The following PRKN variants were observed in gnomAD, a reference collection of about 807,000 sequenced individuals.
PRKN encodes E3 ubiquitin-protein ligase parkin.
In PRKN, 56 loss-of-function variants were observed where a neutral mutation model predicts 59.5. That is an observed-to-expected ratio of 0.94 (90% CI 0.76 to 1.18). The LOEUF is 1.18. PRKN is among the 50% of genes most tolerant of loss of function. The pLI, the probability that PRKN is intolerant of heterozygous loss-of-function variation, is 0.00. For synonymous variants in PRKN, 250 were observed against 222.1 expected (o/e 1.13, Z -1.12); for missense variants, 657 against 596.4 (o/e 1.10, Z -1.06).
chr6:161,787,845 C>T (rs1256850870), intron 6 of PRKN, among the ~76,000 whole-genome samples: 1 of 152,194 alleles, frequency 6.6e-6, no homozygotes, highest in Non-Finnish European at 1.5e-5. Context: ...ACTCAGGAGG[C>T]TGAGGCAGGT....
Position 161,360,253 on chromosome 6 carries a change from G to C in PRKN, c.1168-48C>G, listed in dbSNP as rs535800490. 45 of 1,411,804 alleles carry C rather than the reference G, an allele frequency of 3.2e-5. No homozygotes were observed. In the African/African-American group the frequency reaches 5.6e-4, roughly 18 times the overall value. 87.5% of individuals were successfully genotyped at this position (1,411,804 alleles called of 1,614,324 possible). On this transcript the variant is annotated intron_variant, in intron 10 of 11. Transcript: ENST00000366898. This position sits in a 1 kb window ranked among gnomAD's most constrained non-coding sequence, Gnocchi z 5.1. ...CGTTTAATCTCAGCTTTCTATTACT[G>C]GGATCAGAGTTTATGTTCCCTGTAC...
At chr6:162,532,668 T>A (rs1453262673) in intron 1 of PRKN, among the ~76,000 whole-genome samples, 5 of 152,326 alleles carry the variant, frequency 3.3e-5, no homozygotes, top group Non-Finnish European at 4.4e-5. Context: ...TGATAAAAAA[T>A]AATCTATCTC....
At position 162,111,305 on chromosome 6, in the gene PRKN, A is replaced by C. The variant is rs189986792; in HGVS notation, c.535-57131T>G. Among the ~76,000 whole-genome samples, 24 of 152,206 alleles carry C rather than the reference A, an allele frequency of 1.6e-4. 1 individual carries two copies. The highest frequency in any genetic ancestry group is 5.3e-4 in the African/African-American group (22 of 41,532). On this transcript the variant is annotated intron_variant, in intron 4 of 11. Coordinates refer to ENST00000366898, the MANE Select transcript of PRKN (RefSeq NM_004562.3). ...ACAGTGAAACCCCGTCTCTACTAAA[A>C]ATACAAAAAATTACCCGAGTGTTGT...
intron 2 of PRKN, among the ~76,000 whole-genome samples, chr6:162,425,876 GA>G (rs1211953062): frequency 5.9e-5 from 9 of 152,276 alleles, no homozygotes; most frequent in Admixed American, 1.3e-4. Context: ...TCTCATACAG[GA>G]ATCACAGTGA....
At chr6:162,501,008 A>T (rs1793338021) in intron 1 of PRKN, among the ~76,000 whole-genome samples, 1 of 152,134 alleles carries the variant, frequency 6.6e-6, no homozygotes, top group African/African-American at 2.4e-5. Flanking sequence ...CTTACAAAAA[A>T]TTTGAAAAAC....
At chr6:162,533,457 G>A (rs1778593199) in intron 1 of PRKN, among the ~76,000 whole-genome samples, 1 of 152,160 alleles carries the variant, frequency 6.6e-6, no homozygotes, top group Non-Finnish European at 1.5e-5. Context: ...GAACCCAGGA[G>A]GTGGAGGTTG....
chr6:162,230,517 G>T (rs1006413422), intron 3 of PRKN, among the ~76,000 whole-genome samples: 2 of 152,210 alleles, frequency 1.3e-5, no homozygotes, highest in South Asian at 2.1e-4. Flanking sequence ...TTTAGTGATT[G>T]CTCTGATCAC....
intron 1 of PRKN, among the ~76,000 whole-genome samples, chr6:162,457,766 T>G (rs1790949424): frequency 6.6e-6 from 1 of 152,200 alleles, no homozygotes; most frequent in Non-Finnish European, 1.5e-5. Flanking sequence ...AAATACTGCT[T>G]TGCTCATTTT....
At chr6:162,054,879 G>A (rs1454502823) in intron 4 of PRKN, among the ~76,000 whole-genome samples, 5 of 152,036 alleles carry the variant, frequency 3.3e-5, no homozygotes, top group Non-Finnish European at 5.9e-5. Context: ...TTAAGAAATC[G>A]GGCTGTGCAC....
At chr6:161,493,295 T>C (rs1232096174) in intron 9 of PRKN, among the ~76,000 whole-genome samples, 2 of 152,248 alleles carry the variant, frequency 1.3e-5, no homozygotes, top group Admixed American at 6.5e-5. Context: ...ATTTAATAAT[T>C]CACTTAACCA....
intron 5 of PRKN, among the ~76,000 whole-genome samples, chr6:162,002,646 G>T (rs764302762): frequency 8.8e-5 from 13 of 148,286 alleles, no homozygotes; most frequent in Non-Finnish European, 1.6e-4. Context: ...TTGATTTTTT[G>T]CTCTAAATTT....
At chr6:161,833,318 C>G (rs562811057) in intron 6 of PRKN, among the ~76,000 whole-genome samples, 1 of 152,106 alleles carries the variant, frequency 6.6e-6, no homozygotes, top group East Asian at 1.9e-4. Flanking sequence ...GAGGCCTGAG[C>G]GATTTCCTAA....
chr6:162,386,301 C>T (rs1411653023), intron 2 of PRKN, among the ~76,000 whole-genome samples: 3 of 151,952 alleles, frequency 2.0e-5, no homozygotes, highest in Non-Finnish European at 2.9e-5. Context: ...CAAAACAGCA[C>T]GTGGTATATA....
rs181300124 is a variant in PRKN, at chr6:162,444,833, C to A, written c.8-1360G>T. Among the ~76,000 whole-genome samples, 622 of 152,278 alleles carry A rather than the reference C, an allele frequency of 4.1e-3. 3 individuals carry two copies. The highest frequency in any genetic ancestry group is 0.014 in the African/African-American group (576 of 41,556). The stretch of plus-strand genomic sequence containing the variant: ...AGGATGCTAGGGGTCAATCTATTAA[C>A]CTCCCTCTTTAGGTCTCAGTTCCCT... On this transcript the variant is annotated intron_variant, in intron 1 of 11. Coordinates refer to ENST00000366898, the MANE Select transcript of PRKN (RefSeq NM_004562.3).
intron 9 of PRKN, among the ~76,000 whole-genome samples, chr6:161,477,179 C>T (rs1791125967): frequency 6.6e-6 from 1 of 152,186 alleles, no homozygotes; most frequent in Admixed American, 6.5e-5. Flanking sequence ...CATGAAGTGA[C>T]TCTTCTTGCA....
intron 7 of PRKN, among the ~76,000 whole-genome samples, chr6:161,651,095 C>T (rs1389802012): frequency 2.6e-5 from 4 of 152,164 alleles, no homozygotes; most frequent in African/African-American, 9.7e-5. Flanking sequence ...ACTGCCTTAT[C>T]AGGGAAATCT....
At chr6:161,600,667 C>T (rs1782074124) in intron 7 of PRKN, among the ~76,000 whole-genome samples, 1 of 152,144 alleles carries the variant, frequency 6.6e-6, no homozygotes, top group South Asian at 2.1e-4. Context: ...CTCAGTTAAA[C>T]TTTTTACCTA....
chr6:161,705,548 T>C (rs748542559), intron 7 of PRKN, among the ~76,000 whole-genome samples: 8 of 152,148 alleles, frequency 5.3e-5, no homozygotes, highest in Admixed American at 2.0e-4. Context: ...TGTAGATTAA[T>C]AGAGATAAAT....
At chr6:161,874,704 A>ACAAT (rs1794605098) in intron 6 of PRKN, among the ~76,000 whole-genome samples, 1 of 120,758 alleles carries the variant, frequency 8.3e-6, no homozygotes, top group African/African-American at 3.4e-5. Context: ...TAAAATATAT[A>ACAAT]ATATATAAAA....
Sources: allele counts gnomAD v4.1 joint callset (sites outside exome capture counted in the v4.1 genomes callset), GRCh38; gene constraint gnomAD v4.1.1; non-coding constraint Gnocchi (gnomAD v3.1); transcripts MANE v1.5; gene names NCBI Gene and HGNC (gene_info 2026-07-23, HGNC 2026-07-21).